KLF13: variants seen among roughly 807,000 people sequenced by gnomAD.
The protein encoded by KLF13 is Krueppel-like factor 13.
KLF13 carries 8 observed loss-of-function variants against 16.7 expected under a neutral mutation model. That is an observed-to-expected ratio of 0.48 (90% CI 0.28 to 0.87). The LOEUF is 0.87. Ranked by LOEUF, KLF13 falls within the 40% of genes least tolerant of loss-of-function variation. The pLI is 0.10. For synonymous variants in KLF13, 245 were observed against 208.4 expected, an observed-to-expected ratio of 1.18 and a Z score of -1.51; for missense variants, 447 against 452.2, an observed-to-expected ratio of 0.99 and a Z score of 0.10.
upstream of KLF13, among the ~76,000 whole-genome samples, chr15:31,390,215 C>T (rs530175300): frequency 1.6e-3 from 240 of 152,322 alleles, no homozygotes; most frequent in African/African-American, 5.5e-3. Context: ...GCCCCGGACT[C>T]CCTTTACCAC....
chr15:31,429,071 C>G (rs1164709896), intron 1 of KLF13, among the ~76,000 whole-genome samples: 3 of 152,178 alleles, frequency 2.0e-5, no homozygotes, highest in African/African-American at 7.2e-5. Context: ...GACAGCACCC[C>G]TAACGCATTA....
Position 31,401,188 on chromosome 15 carries a change from C to A in KLF13, n.530-2240C>A, listed in dbSNP as rs1244043074. On this transcript the variant is annotated intron_variant and non_coding_transcript_variant, in intron 2 of 2. Coordinates refer to the KLF13 transcript ENST00000500533. Reference sequence around the variant, plus strand: ...GCTAACTTTATATTTTTAGTAGAGACCGGGTTTCACCATGTTGCCCAGGCT... The same window carrying A: ...GCTAACTTTATATTTTTAGTAGAGAACGGGTTTCACCATGTTGCCCAGGCT... Among the ~76,000 whole-genome samples the A allele has an allele frequency of 2.6e-5, 4 of 152,216 alleles. No homozygotes were observed. The East Asian group carries it at 7.8e-4, about 30-fold the overall frequency.
At chr15:31,425,397 G>T (rs1046398345) in intron 1 of KLF13, among the ~76,000 whole-genome samples, 1 of 152,184 alleles carries the variant, frequency 6.6e-6, no homozygotes, top group Non-Finnish European at 1.5e-5. Flanking sequence ...CTCTGACAGT[G>T]ATCAGAATAG....
chr15:31,383,445 C>T (rs1195503481), intron 1 of KLF13, among the ~76,000 whole-genome samples: 1 of 152,228 alleles, frequency 6.6e-6, no homozygotes, highest in East Asian at 1.9e-4. Context: ...GGTGCCTCTG[C>T]AGTGAGGGTC....
At chr15:31,379,277 C>T (rs138402536), downstream of KLF13, among the ~76,000 whole-genome samples, 5 of 152,276 alleles carry the variant, frequency 3.3e-5, no homozygotes, top group East Asian at 1.9e-4. Flanking sequence ...GGTACTGAGA[C>T]GTTTGGAGCC....
intron 2 of KLF13, among the ~76,000 whole-genome samples, chr15:31,396,763 A>C (rs541130721): frequency 6.6e-6 from 1 of 152,330 alleles, no homozygotes; most frequent in East Asian, 1.9e-4. Flanking sequence ...CGTGACTCCT[A>C]AACCATAATT....
intron 1 of KLF13, among the ~76,000 whole-genome samples, chr15:31,428,063 CA>C (rs2040420223): frequency 6.6e-6 from 1 of 152,162 alleles, no homozygotes; most frequent in African/African-American, 2.4e-5. Context: ...TCTTATACTA[CA>C]ACATCCATGA....
At chr15:31,421,059 G>GTA (rs1042630012) in intron 1 of KLF13, among the ~76,000 whole-genome samples, 1 of 152,006 alleles carries the variant, frequency 6.6e-6, no homozygotes, top group Non-Finnish European at 1.5e-5. Context: ...TGTGATTTCT[G>GTA]TATAGGACTC....
At chr15:31,389,242 ATT>A (rs1439690557), upstream of KLF13, among the ~76,000 whole-genome samples, 2 of 152,126 alleles carry the variant, frequency 1.3e-5, no homozygotes, top group African/African-American at 4.8e-5. Flanking sequence ...TCTTAATAAC[ATT>A]TTCTTTTCTC....
intron 1 of KLF13, among the ~76,000 whole-genome samples, chr15:31,358,076 G>A (rs1210047367): frequency 6.6e-6 from 1 of 152,202 alleles, no homozygotes; most frequent in Non-Finnish European, 1.5e-5. Flanking sequence ...GGAGAGATGA[G>A]GGTAAGGTAA....
At chr15:31,411,459 G>T (rs896524168) in intron 1 of KLF13, among the ~76,000 whole-genome samples, 4 of 149,920 alleles carry the variant, frequency 2.7e-5, no homozygotes, top group African/African-American at 9.8e-5. Context: ...GCAGTGGCGC[G>T]ATCTTGGCTC....
At chr15:31,410,927 G>T (rs2040186297) in intron 1 of KLF13, among the ~76,000 whole-genome samples, 1 of 152,122 alleles carries the variant, frequency 6.6e-6, no homozygotes, top group Admixed American at 6.5e-5. Context: ...CAAATAAGCA[G>T]AGTAAAATGG....
intron 1 of KLF13, among the ~76,000 whole-genome samples, chr15:31,335,506 G>A (rs2038916489): frequency 7.9e-6 from 1 of 126,046 alleles, no homozygotes; most frequent in Non-Finnish European, 1.7e-5. Context: ...CGGGGGGAGG[G>A]CACAGCATGG....
At chr15:31,381,345 G>A (rs1038697469), downstream of KLF13, among the ~76,000 whole-genome samples, 1 of 152,052 alleles carries the variant, frequency 6.6e-6, no homozygotes, top group African/African-American at 2.4e-5. Context: ...TCCTTCTGGA[G>A]TCTTGTTTTC....
chr15:31,388,774 A>G (rs1372486553), upstream of KLF13, among the ~76,000 whole-genome samples: 1 of 150,480 alleles, frequency 6.6e-6, no homozygotes, highest in Non-Finnish European at 1.5e-5. Flanking sequence ...CCAAAAAAAA[A>G]AAAAAAAAAA....
chr15:31,348,009 A>G (rs998346002), intron 1 of KLF13, among the ~76,000 whole-genome samples: 3 of 152,206 alleles, frequency 2.0e-5, no homozygotes, highest in Admixed American at 6.5e-5. Flanking sequence ...GCCACTCCAC[A>G]TGAGTCTGCC....
chr15:31,425,666 C>G (rs988645651), intron 1 of KLF13, among the ~76,000 whole-genome samples: 13 of 152,116 alleles, frequency 8.5e-5, no homozygotes, highest in Admixed American at 2.6e-4. Flanking sequence ...CACCTGAGGT[C>G]AGAAGTTTGA....
intron 2 of KLF13, among the ~76,000 whole-genome samples, chr15:31,396,934 A>T (rs2140988127): frequency 6.6e-6 from 1 of 152,260 alleles, no homozygotes; most frequent in South Asian, 2.1e-4. Context: ...ACACCTAGGA[A>T]TGAACAAGGA....
At chr15:31,394,454 T>A (rs1352183365) in intron 2 of KLF13, among the ~76,000 whole-genome samples, 1 of 149,518 alleles carries the variant, frequency 6.7e-6, no homozygotes, top group East Asian at 2.0e-4. Flanking sequence ...GCCACTGCCC[T>A]CCAGCCTGGG....
Sources: allele counts gnomAD v4.1 joint callset (sites outside exome capture counted in the v4.1 genomes callset), GRCh38; gene constraint gnomAD v4.1.1; transcripts MANE v1.5; gene names NCBI Gene and HGNC (gene_info 2026-07-23, HGNC 2026-07-21).